NBR1: variants seen among roughly 807,000 people sequenced by gnomAD.
NBR1 encodes the protein next to BRCA1 gene 1 protein.
In NBR1, 59 loss-of-function variants were observed where a neutral mutation model predicts 115.5. That is an observed-to-expected ratio of 0.51 (90% CI 0.41 to 0.63). The LOEUF (loss-of-function observed/expected upper bound fraction) is 0.63, where lower values mean the gene tolerates loss of function less well. Ranked by LOEUF, NBR1 falls within the 30% of genes least tolerant of loss-of-function variation. The probability of loss-of-function intolerance (pLI) is 0.00; values close to 1 mark genes in which losing one functional copy is unlikely to be tolerated. For missense variants in NBR1, 1,043 were observed against 1,150.5 expected (o/e 0.91, Z 1.35); for synonymous variants, 373 against 414.7 (o/e 0.90, Z 1.22).
chr17:43,179,125 T>G (rs966606400), intron 3 of NBR1, among the ~76,000 whole-genome samples: 2 of 152,164 alleles, frequency 1.3e-5, no homozygotes, highest in Non-Finnish European at 2.9e-5. Context: ...TTGGAAGTAG[T>G]AAAGTAGCCG....
intron 10 of NBR1, 137 bp from the exon 11 acceptor site, chr17:43,192,957 G>A (rs965592835): frequency 1.1e-5 from 8 of 743,558 alleles, no homozygotes; most frequent in Admixed American, 2.9e-5. Context: ...TCCTATACTA[G>A]TAATATCAGT....
chr17:43,191,718 A>AT (rs1247012189), intron 10 of NBR1, 137 bp downstream of exon 10: 2 of 646,438 alleles, frequency 3.1e-6, no homozygotes, highest in Non-Finnish European at 5.4e-6. Context: ...TGGTCTTAGT[A>AT]TTTTTTGTTT....
chr17:43,208,368 A>G (rs537144233), intron 20 of NBR1, among the ~76,000 whole-genome samples: 45 of 152,360 alleles, frequency 3.0e-4, no homozygotes, highest in African/African-American at 9.9e-4. Flanking sequence ...TGCAAGGTAC[A>G]TTCCATTAAC....
At chr17:43,194,940 G>A in intron 13 of NBR1, 24 bp from the exon 14 acceptor site, 1 of 1,603,502 alleles carries the variant, frequency 6.2e-7, no homozygotes, top group Non-Finnish European at 8.5e-7. Flanking sequence ...ACTCCAAACA[G>A]CCTAACATTG....
At chr17:43,170,894 A>T (rs187762760), upstream of NBR1, 88 of 152,362 alleles carry the variant, frequency 5.8e-4, no homozygotes, top group African/African-American at 2.0e-3. Flanking sequence ...TCCTAGGAAG[A>T]CTACGATTCC....
In NBR1 at chr17:43,210,970, G is replaced by T. The variant is rs1012298386; in HGVS notation, c.*896G>T. The T allele has an allele frequency of 2.5e-5, 9 of 358,634 alleles. No individual in the cohort carries two copies. Among genetic ancestry groups the T allele is most frequent in the Non-Finnish European group, 4.5e-5 (9 of 201,890 alleles). The allele number at this position is 358,634 out of a possible 1,614,324, so 22.2% of individuals were successfully genotyped here. Reference sequence around the variant, plus strand: ...GAAACATGTGAAAGGCAAAAGGCAGGCTCCTAAATTAATGTCAGTGAAGTT... The same window carrying T: ...GAAACATGTGAAAGGCAAAAGGCAGTCTCCTAAATTAATGTCAGTGAAGTT... On this transcript the variant is annotated 3_prime_UTR_variant, in exon 21 of 21. Transcript: ENST00000590996.
At position 43,193,404 on chromosome 17, in the gene NBR1, G is replaced by T. The variant is rs1357593093; in HGVS notation, c.1290G>T (p.Leu430Phe). ...TLASTEKKDV[L>F]VPCLKAGHVG... ...CTTCCACAGAAAAGAAGGATGTTTT[G>T]GTTCCCTGCCTCAAGGCCGGCCATG... The change falls in exon 12 of 21, where the codon TTG (leucine) becomes TTT (phenylalanine). Residue 430 changes from leucine to phenylalanine, a missense_variant. Coordinates refer to ENST00000590996, the MANE Select transcript of NBR1 (RefSeq NM_005899.5). 4.3e-6 allele frequency: 7 copies of T among 1,613,826 alleles called. No individual in the cohort carries two copies. The highest frequency in any genetic ancestry group is 5.9e-6 in the Non-Finnish European group (7 of 1,179,894).
chr17:43,177,633 TGATGA>T (rs2056554129), intron 2 of NBR1, among the ~76,000 whole-genome samples: 1 of 146,800 alleles, frequency 6.8e-6, no homozygotes, highest in Non-Finnish European at 1.5e-5. Context: ...TTTGGTATTC[TGATGA>T]GATGTCATCT....
intron 4 of NBR1, 53 bp from the exon 5 acceptor site, chr17:43,180,742 A>G: frequency 7.2e-7 from 1 of 1,391,728 alleles, no homozygotes; most frequent in South Asian, 1.7e-5. Flanking sequence ...AAATAATAGA[A>G]TCTTTTGGGG....
chr17:43,200,747 A>G (rs961184305), intron 17 of NBR1, 139 bp downstream of exon 17: 1 of 724,828 alleles, frequency 1.4e-6, no homozygotes, highest in Non-Finnish European at 2.2e-6. Flanking sequence ...TTAGATGAAT[A>G]AAAGTTGTAT....
intron 1 of NBR1, 45 bp downstream of exon 1, chr17:43,171,347 C>G (rs1281281742): frequency 6.6e-6 from 1 of 152,600 alleles, no homozygotes; most frequent in Non-Finnish European, 1.5e-5. Flanking sequence ...TCACGTCACG[C>G]TAAGAGGGTT....
At chr17:43,200,672 C>G in intron 17 of NBR1, 64 bp downstream of exon 17, 1 of 1,444,672 alleles carries the variant, frequency 6.9e-7, no homozygotes, top group South Asian at 1.3e-5. Context: ...AGGAATCGAC[C>G]TGATCTCAAA....
At chr17:43,177,839 A>T in intron 2 of NBR1, 97 bp from the exon 3 acceptor site, 1 of 1,095,094 alleles carries the variant, frequency 9.1e-7, no homozygotes, top group Non-Finnish European at 1.2e-6. Context: ...TGGGTTATTA[A>T]GGTTGTTTGT....
chr17:43,194,909 C>A, intron 13 of NBR1, 55 bp from the exon 14 acceptor site: 1 of 1,388,994 alleles, frequency 7.2e-7, no homozygotes, highest in Non-Finnish European at 1.0e-6. Flanking sequence ...CAGGTCCCAT[C>A]AAGACATGGC....
Position 43,188,907 on chromosome 17 carries a change from CT to C in NBR1, c.403-133del. ...GAGACTTTGTTTTCCTTTAGTACGC[CT>C]TCATACTGTGACTTTTTAAAAAATT... On this transcript the variant is annotated intron_variant, in intron 6 of 20. Coordinates refer to ENST00000590996, the MANE Select transcript of NBR1 (RefSeq NM_005899.5). 1.4e-5 allele frequency: 9 copies of C among 637,622 alleles called. No homozygotes were observed. In the South Asian group the frequency reaches 1.8e-4, roughly 13 times the overall value. 39.5% of individuals were successfully genotyped at this position (637,622 alleles called of 1,614,324 possible).
rs1216365414 is a variant in NBR1 at position 43,191,360 on chromosome 17, A to T, written c.864-12A>T. 4 of 1,594,404 alleles carry T rather than the reference A, an allele frequency of 2.5e-6. No individual in the cohort carries two copies. The highest frequency in any genetic ancestry group is 3.4e-6 in the Non-Finnish European group (4 of 1,166,948). ...TGACTTTCTTTTAAGACTTGCTTTTATTATCTCACAGGCTCCAGAAACAGG... is the reference window on the plus strand; with the variant it reads ...TGACTTTCTTTTAAGACTTGCTTTTTTTATCTCACAGGCTCCAGAAACAGG... On this transcript the variant is annotated splice_polypyrimidine_tract_variant and intron_variant, in intron 9 of 20. Transcript: ENST00000590996.
intron 13 of NBR1, 41 bp from the exon 14 acceptor site, chr17:43,194,923 A>G: frequency 1.3e-6 from 2 of 1,512,392 alleles, no homozygotes; most frequent in Non-Finnish European, 1.8e-6. Context: ...ACATGGCTCC[A>G]GCATGCACTC....
At chr17:43,198,690 G>A (rs891797306) in intron 16 of NBR1, among the ~76,000 whole-genome samples, 1 of 150,568 alleles carries the variant, frequency 6.6e-6, no homozygotes, top group African/African-American at 2.4e-5. Flanking sequence ...GGCCAGGTGC[G>A]GTGGCTCATA....
chr17:43,207,114 AC>A (rs2057333178), intron 20 of NBR1, among the ~76,000 whole-genome samples: 1 of 152,164 alleles, frequency 6.6e-6, no homozygotes, highest in Non-Finnish European at 1.5e-5. Context: ...CTGGCTTAGT[AC>A]CATTCATTAA....
Sources: gnomAD v4.1 joint callset for allele counts (sites outside exome capture counted in the v4.1 genomes callset) on GRCh38, gnomAD v4.1.1 for gene constraint, MANE v1.5 for transcripts, NCBI Gene and HGNC (gene_info 2026-07-23, HGNC 2026-07-21) for gene names.